Variants in PIK3CD observed in about 807,000 individuals in gnomAD.
PIK3CD encodes phosphatidylinositol 4,5-bisphosphate 3-kinase catalytic subunit delta isoform.
A neutral mutation model predicts 122.9 loss-of-function variants in PIK3CD; 20 were observed. The ratio of observed to expected loss-of-function variants is 0.16; its 90% CI spans 0.11 to 0.24. The LOEUF (loss-of-function observed/expected upper bound fraction) is 0.24, where lower values mean the gene tolerates loss of function less well. Ranked by LOEUF, PIK3CD falls within the 10% of genes least tolerant of loss-of-function variation. The pLI is 1.00. For missense variants in PIK3CD, 787 were observed against 1,406.3 expected (o/e 0.56, Z 7.04); for synonymous variants, 596 against 593.4 (o/e 1.00, Z -0.06).
chr1:9,636,739 G>A, the PIK3CD span, among the ~76,000 whole-genome samples: 1 of 152,104 alleles, frequency 6.6e-6, no homozygotes, highest in Non-Finnish European at 1.5e-5. Context: ...TAAGCCCTAT[G>A]CCCCTCCTCC....
At position 9,719,909 on chromosome 1, in the gene PIK3CD, G is replaced by A. The variant is rs764084369; in HGVS notation, c.1243-12G>A. 5.6e-6 allele frequency: 9 copies of A among 1,611,936 alleles called. No homozygotes were observed. Among genetic ancestry groups the A allele is most frequent in the Non-Finnish European group, 7.6e-6 (9 of 1,178,554 alleles). ...CTGAGTGGCTGTCCTCACCTGCCCTGTCCTTCTGCAGGACTGCCCCATTGC... is the reference window on the plus strand; with the variant it reads ...CTGAGTGGCTGTCCTCACCTGCCCTATCCTTCTGCAGGACTGCCCCATTGC... On this transcript the variant is annotated splice_polypyrimidine_tract_variant and intron_variant, in intron 9 of 23. Coordinates refer to ENST00000377346, the MANE Select transcript of PIK3CD (RefSeq NM_005026.5). The surrounding 1 kb of genome is among the most constrained non-coding windows in gnomAD (Gnocchi z 5.5).
At chr1:9,654,628 TC>T in intron 1 of PIK3CD, 1 of 364,496 alleles carries the variant, frequency 2.7e-6, no homozygotes, top group South Asian at 2.1e-5. Context: ...ATGAAGCAAT[TC>T]CCCTTTGGCT....
chr1:9,659,791 C>G (rs1206033389), intron 1 of PIK3CD, among the ~76,000 whole-genome samples: 1 of 152,122 alleles, frequency 6.6e-6, no homozygotes, highest in African/African-American at 2.4e-5. Flanking sequence ...GCTCTGTCAC[C>G]CAGGCTAGAG....
At chr1:9,716,671 G>T in intron 6 of PIK3CD, 52 bp downstream of exon 6, 3 of 1,518,754 alleles carry the variant, frequency 2.0e-6, no homozygotes, top group Middle Eastern at 2.3e-4. Context: ...CCTGGATAGG[G>T]CCTGGGTGGG....
At chr1:9,706,050 A>ATTTTTTTTTTTT (rs140912843) in intron 2 of PIK3CD, among the ~76,000 whole-genome samples, 3 of 85,204 alleles carry the variant, frequency 3.5e-5, no homozygotes, top group Admixed American at 1.5e-4. Flanking sequence ...ATTTATTGGA[A>ATTTTTTTTTTTT]TTTTTTTTTT....
Position 9,717,505 on chromosome 1 carries a change from C to CGT in PIK3CD, c.931-29_931-28dup. ...CAGGGAGACAAGCTGCACTTTGAGC[C>CGT]GTGTTAACAGCCCTGCTTCCCCGGC... On this transcript the variant is annotated intron_variant, in intron 7 of 23. Transcript: ENST00000377346. This position sits in a 1 kb window ranked among gnomAD's most constrained non-coding sequence, Gnocchi z 5.4. 6.2e-7 allele frequency: 1 copy of CGT among 1,601,572 alleles called. No individual in the cohort carries two copies.
chr1:9,721,167 T>C lies in PIK3CD; in HGVS notation c.1730T>C (p.Leu577Pro). 1 of 1,613,134 alleles carries C rather than the reference T, an allele frequency of 6.2e-7. No homozygotes were observed. The highest frequency in any genetic ancestry group is 2.2e-5 in the East Asian group (1 of 44,860). Reference protein sequence around the residue: ...LLCSWPELPVLSALELLDFSF... With the variant: ...LLCSWPELPVPSALELLDFSF... Reference sequence around the variant, plus strand: ...TGCTCCTGGCCGGAGCTGCCCGTCCTGAGCGCCCTGGAGCTGCTAGACTTC... The same window carrying C: ...TGCTCCTGGCCGGAGCTGCCCGTCCCGAGCGCCCTGGAGCTGCTAGACTTC... Residue 577 changes from leucine (L) to proline (P), a missense_variant, in exon 14 of 24, where the codon CTG becomes CCG. This residue lies in a region of PIK3CD where 592 missense variants were observed against 920.6 expected (regional missense o/e 0.64). Coordinates refer to ENST00000377346, the MANE Select transcript of PIK3CD (RefSeq NM_005026.5).
chr1:9,714,126 A>G (rs1291604953), intron 3 of PIK3CD, among the ~76,000 whole-genome samples: 1 of 152,160 alleles, frequency 6.6e-6, no homozygotes, highest in Non-Finnish European at 1.5e-5. Flanking sequence ...TATTGGGATT[A>G]CAGGAGTAAG....
chr1:9,707,235 A>G (rs1318326397), intron 2 of PIK3CD, among the ~76,000 whole-genome samples: 2 of 151,952 alleles, frequency 1.3e-5, no homozygotes, highest in Non-Finnish European at 2.9e-5. Context: ...ATTCAAGAAC[A>G]TACATTGTAG....
At chr1:9,632,075 C>A in the PIK3CD span, among the ~76,000 whole-genome samples, 63 of 150,924 alleles carry the variant, frequency 4.2e-4, no homozygotes, top group East Asian at 5.9e-4. Context: ...TGCAATGGTG[C>A]GATCTCAGCT....
At chr1:9,627,566 G>T in the PIK3CD span, among the ~76,000 whole-genome samples, 2 of 152,238 alleles carry the variant, frequency 1.3e-5, no homozygotes, top group African/African-American at 4.8e-5. Context: ...GGTGACAGTG[G>T]TGATGATGAT....
At chr1:9,677,974 G>A (rs1038016293) in intron 1 of PIK3CD, among the ~76,000 whole-genome samples, 4 of 151,832 alleles carry the variant, frequency 2.6e-5, no homozygotes, top group Admixed American at 6.6e-5. Flanking sequence ...GTGAAACCCC[G>A]TCTGTACTAA....
At chr1:9,671,982 A>G (rs1645343112) in intron 1 of PIK3CD, among the ~76,000 whole-genome samples, 1 of 152,146 alleles carries the variant, frequency 6.6e-6, no homozygotes, top group South Asian at 2.1e-4. Flanking sequence ...GAGGCTCACA[A>G]GGCAGCACCC....
Position 9,723,008 on chromosome 1 carries a change from T to C in PIK3CD, c.2427-117T>C. 2 of 1,012,338 alleles carry C rather than the reference T, an allele frequency of 2.0e-6. No individual in the cohort carries two copies. Among genetic ancestry groups the C allele is most frequent in the South Asian group, 1.3e-5 (1 of 78,758 alleles). 62.7% of individuals were successfully genotyped at this position (1,012,338 alleles called of 1,614,324 possible). A position where few individuals can be genotyped will look rare whatever the true frequency, so the allele number is the denominator to read the frequency against. ...GCATCTCTCACCTGCTTTTTAGCAA[T>C]GTGGGCAGCAGCATCTTCTGTGGCT... is the stretch of plus-strand genomic sequence containing the variant. On this transcript the variant is annotated intron_variant, in intron 19 of 23. Transcript: ENST00000377346. This position sits in a 1 kb window ranked among gnomAD's most constrained non-coding sequence, Gnocchi z 4.9.
intron 1 of PIK3CD, among the ~76,000 whole-genome samples, chr1:9,690,976 C>T (rs1314987159): frequency 1.3e-5 from 2 of 152,042 alleles, no homozygotes; most frequent in Admixed American, 6.6e-5. Context: ...AAGGAGTGGG[C>T]GGCCCCTCCC....
Position 9,717,582 on chromosome 1 carries a change from G to C in PIK3CD, c.976G>C (p.Glu326Gln). Residue 326 changes from glutamate (E) to glutamine (Q), a missense_variant, in exon 8 of 24, where the codon GAG becomes CAG. Transcript: ENST00000377346. This position sits in a 1 kb window ranked among gnomAD's most constrained non-coding sequence, Gnocchi z 5.4. ...GTCCCTGGAGCAGCCGTTCCGCATC[G>C]AGCTCATCCAGGGCAGCAAAGTGAA... ...LWSLEQPFRI[E>Q]LIQGSKVNAD... 6.2e-7 allele frequency: 1 copy of C among 1,614,106 alleles called. No individual in the cohort carries two copies. Among genetic ancestry groups the C allele is most frequent in the Non-Finnish European group, 8.5e-7 (1 of 1,180,034 alleles).
intron 2 of PIK3CD, among the ~76,000 whole-genome samples, chr1:9,696,447 A>T (rs908485343): frequency 6.6e-6 from 1 of 151,318 alleles, no homozygotes; most frequent in African/African-American, 2.4e-5. Flanking sequence ...AATAAAATTT[A>T]AAAATATTAA....
At chr1:9,674,189 A>G (rs572412360) in intron 1 of PIK3CD, among the ~76,000 whole-genome samples, 2 of 152,202 alleles carry the variant, frequency 1.3e-5, no homozygotes, top group Non-Finnish European at 2.9e-5. Context: ...GAATGAGCAC[A>G]TGCTCCAGAA....
the PIK3CD span, among the ~76,000 whole-genome samples, chr1:9,632,436 C>A: frequency 6.6e-6 from 1 of 152,102 alleles, no homozygotes; most frequent in Non-Finnish European, 1.5e-5. Context: ...GCGATCCTCC[C>A]ACCTCAGCCT....
Sources: allele counts gnomAD v4.1 joint callset (sites outside exome capture counted in the v4.1 genomes callset), GRCh38; gene constraint gnomAD v4.1.1; regional missense constraint gnomAD v4.1.1; non-coding constraint Gnocchi (gnomAD v3.1); transcripts MANE v1.5; gene names NCBI Gene and HGNC (gene_info 2026-07-23, HGNC 2026-07-21).